Variants in PRKAG2 observed in about 807,000 individuals in gnomAD.
PRKAG2 encodes the protein 5'-AMP-activated protein kinase subunit gamma-2.
Under a neutral mutation model 69.6 loss-of-function variants are expected in PRKAG2, and 26 were observed. The observed-to-expected ratio is 0.37, with a 90% CI of 0.27 to 0.52. The LOEUF is 0.52. PRKAG2 is among the 20% of genes least tolerant of loss of function. The pLI, the probability that PRKAG2 is intolerant of heterozygous loss-of-function variation, is 0.90. For synonymous variants in PRKAG2, 293 were observed against 285.0 expected (o/e 1.03, Z -0.28); for missense variants, 557 against 740.0 (o/e 0.75, Z 2.87).
At position 151,688,042 on chromosome 7, in the gene PRKAG2, G is replaced by GCC. The variant is rs61417635; in HGVS notation, c.467-12407_467-12406dup. On this transcript the variant is annotated intron_variant, in intron 3 of 15. Transcript: ENST00000287878. ...AGGAGGAGGAGGAGGAGGAAATGAG[G>GCC]CCCCCCCCCGGGCTCCTTGCTGAGT... 4.0e-3 allele frequency among the ~76,000 whole-genome samples: 432 copies of GCC among 107,062 alleles called. 47 individuals are homozygous for GCC. The highest frequency in any genetic ancestry group is 0.014 in the African/African-American group (414 of 30,488). 70.2% of individuals were successfully genotyped at this position (107,062 alleles called of 152,430 possible).
At chr7:151,558,470 GAAGA>G (rs1448180030) in intron 15 of PRKAG2, 1 of 983,500 alleles carries the variant, frequency 1.0e-6, no homozygotes, top group East Asian at 1.1e-4. Flanking sequence ...CTTCTCTACT[GAAGA>G]AATTGGGGCT....
At chr7:151,811,175 C>T (rs568912936) in intron 1 of PRKAG2, among the ~76,000 whole-genome samples, 2 of 152,360 alleles carry the variant, frequency 1.3e-5, no homozygotes, top group South Asian at 4.1e-4. Context: ...TCAGTTGCTC[C>T]CACTGCTTTG....
chr7:151,874,201 G>A (rs1054156383), intron 1 of PRKAG2, among the ~76,000 whole-genome samples: 2 of 124,752 alleles, frequency 1.6e-5, no homozygotes, highest in African/African-American at 3.3e-5. Flanking sequence ...TGTATATGAT[G>A]TATATGTATA....
At chr7:151,700,105 GTCATTGCA>G (rs560945237) in intron 3 of PRKAG2, among the ~76,000 whole-genome samples, 307 of 152,330 alleles carry the variant, frequency 2.0e-3, no homozygotes, top group African/African-American at 7.0e-3. Context: ...CTTTGAATAA[GTCATTGCA>G]TCATTGCAAA....
intron 5 of PRKAG2, among the ~76,000 whole-genome samples, chr7:151,622,281 A>G (rs1821705736): frequency 6.6e-6 from 1 of 152,224 alleles, no homozygotes; most frequent in African/African-American, 2.4e-5. Flanking sequence ...GGAGTTTCGC[A>G]GAGATTACAC....
At chr7:151,592,024 C>T (rs1003509564) in intron 6 of PRKAG2, among the ~76,000 whole-genome samples, 10 of 152,144 alleles carry the variant, frequency 6.6e-5, no homozygotes, top group African/African-American at 1.7e-4. Flanking sequence ...GCATGCACAG[C>T]GACCCTCTCT....
At chr7:151,710,682 T>C (rs746079605) in intron 3 of PRKAG2, among the ~76,000 whole-genome samples, 1 of 152,238 alleles carries the variant, frequency 6.6e-6, no homozygotes, top group Non-Finnish European at 1.5e-5. Flanking sequence ...ATTTGCCACA[T>C]GCTCATTCAG....
At chr7:151,874,318 G>GATGTATATGTATATGTAT (rs1341376832) in intron 1 of PRKAG2, among the ~76,000 whole-genome samples, 1 of 74,596 alleles carries the variant, frequency 1.3e-5, no homozygotes. Flanking sequence ...ATATGTATAT[G>GATGTATATGTATATGTAT]ATGTATATGT....
intron 5 of PRKAG2, among the ~76,000 whole-genome samples, chr7:151,609,935 C>T (rs1342406645): frequency 6.6e-6 from 1 of 152,234 alleles, no homozygotes; most frequent in African/African-American, 2.4e-5. Context: ...CACACCTCTC[C>T]TGCCATGAGC....
chr7:151,846,075 T>C (rs1200108342), intron 1 of PRKAG2, among the ~76,000 whole-genome samples: 2 of 152,228 alleles, frequency 1.3e-5, no homozygotes, highest in Non-Finnish European at 2.9e-5. Flanking sequence ...TTGCGGTGTG[T>C]GAGCTGACAC....
chr7:151,868,390 C>A (rs1411593314), intron 1 of PRKAG2, among the ~76,000 whole-genome samples: 1 of 152,172 alleles, frequency 6.6e-6, no homozygotes, highest in African/African-American at 2.4e-5. Context: ...ACAGTGGGGG[C>A]TTCTAAGAAC....
intron 3 of PRKAG2, among the ~76,000 whole-genome samples, chr7:151,688,104 AAGGGAAGGACACCAATTCAAT>A (rs1226766833): frequency 6.9e-6 from 1 of 145,774 alleles, no homozygotes; most frequent in Non-Finnish European, 1.5e-5. Flanking sequence ...AGAAGGAAAT[AAGGGAAGGACACCAATTCAAT>A]AGGAGACCTG....
intron 3 of PRKAG2, among the ~76,000 whole-genome samples, chr7:151,754,716 C>T (rs983485849): frequency 9.1e-4 from 137 of 150,342 alleles, no homozygotes; most frequent in South Asian, 2.1e-4. Context: ...CAACCCCCTC[C>T]GCCGCACCTG....
chr7:151,773,040 A>G (rs1470321392), intron 3 of PRKAG2, among the ~76,000 whole-genome samples: 1 of 34,712 alleles, frequency 2.9e-5, no homozygotes, highest in Non-Finnish European at 5.9e-5. Flanking sequence ...AGAGAGAGAG[A>G]GAGAGAGAGA....
intron 3 of PRKAG2, among the ~76,000 whole-genome samples, chr7:151,685,641 T>G (rs1192159524): frequency 6.6e-6 from 1 of 151,966 alleles, no homozygotes; most frequent in Non-Finnish European, 1.5e-5. Flanking sequence ...TGGTGGCCTG[T>G]GCCCTTGGCC....
chr7:151,779,306 G>A (rs1275646631), intron 3 of PRKAG2, among the ~76,000 whole-genome samples: 1 of 152,220 alleles, frequency 6.6e-6, no homozygotes, highest in African/African-American at 2.4e-5. Flanking sequence ...CCTAGGCCCT[G>A]AGGACTGAAC....
chr7:151,813,691 G>A (rs749172346), intron 1 of PRKAG2, among the ~76,000 whole-genome samples: 2 of 152,116 alleles, frequency 1.3e-5, no homozygotes, highest in Admixed American at 1.3e-4. Context: ...AGCGGTGACA[G>A]CCCACGGTTC....
intron 1 of PRKAG2, among the ~76,000 whole-genome samples, chr7:151,851,468 A>T (rs2079567355): frequency 6.6e-6 from 1 of 152,170 alleles, no homozygotes. Context: ...TGGCTGGCCC[A>T]GGCTGGTGCG....
chr7:151,561,932 T>TG (rs1554451530), intron 14 of PRKAG2, among the ~76,000 whole-genome samples: 8,984 of 81,662 alleles, frequency 0.11, 1,285 homozygotes, highest in African/African-American at 0.35. Flanking sequence ...GACTGTGTCT[T>TG]AAAAAAAAAA....
Sources: allele counts gnomAD v4.1 joint callset (sites outside exome capture counted in the v4.1 genomes callset), GRCh38; gene constraint gnomAD v4.1.1; transcripts MANE v1.5; gene names NCBI Gene and HGNC (gene_info 2026-07-23, HGNC 2026-07-21).